Variants in AK4 observed in about 807,000 individuals in gnomAD.
AK4 encodes the protein adenylate kinase 4, mitochondrial.
AK4 carries 13 observed loss-of-function variants against 24.6 expected under a neutral mutation model. The observed-to-expected ratio is 0.53, with a 90% confidence interval of 0.34 to 0.84. The LOEUF is 0.84. Among genes scored for constraint, AK4 ranks in the 40% least tolerant of loss-of-function variants. AK4 has a pLI of 0.01. For missense variants in AK4, 192 were observed against 288.2 expected (o/e 0.67, Z 2.42); for synonymous variants, 88 against 107.0 (o/e 0.82, Z 1.10).
intron 1 of AK4, among the ~76,000 whole-genome samples, chr1:65,155,541 A>G (rs1649949122): frequency 6.6e-6 from 1 of 152,188 alleles, no homozygotes; most frequent in Non-Finnish European, 1.5e-5. Context: ...ATATAAACTG[A>G]TTTTCTGATT....
chr1:65,214,048 A>AGTCTGT (rs1652050099), intron 2 of AK4, among the ~76,000 whole-genome samples: 1 of 152,294 alleles, frequency 6.6e-6, no homozygotes, highest in East Asian at 1.9e-4. Context: ...GGATTGTTTA[A>AGTCTGT]GCCACCCAGT....
chr1:65,201,903 C>G (rs1176143963), intron 2 of AK4, among the ~76,000 whole-genome samples: 1 of 151,992 alleles, frequency 6.6e-6, no homozygotes, highest in East Asian at 1.9e-4. Context: ...GTTGGGTAAC[C>G]CTGGAGCTAA....
chr1:65,148,152 TGGAGGAGGG>T (rs1649627894), upstream of AK4: 1 of 645,744 alleles, frequency 1.5e-6, no homozygotes, highest in Non-Finnish European at 2.3e-6. Context: ...GGCGAGGAGG[TGGAGGAGGG>T]CGAGGAGGTG....
chr1:65,152,354 CTCTCTCTA>C (rs1332760004), intron 1 of AK4, among the ~76,000 whole-genome samples: 397 of 37,952 alleles, frequency 0.01, no homozygotes, highest in African/African-American at 0.019. Flanking sequence ...CTCTCTCTCT[CTCTCTCTA>C]TATATATATA....
chr1:65,188,392 C>CA (rs1475418467), intron 1 of AK4, among the ~76,000 whole-genome samples: 6 of 151,052 alleles, frequency 4.0e-5, no homozygotes, highest in Non-Finnish European at 8.9e-5. Flanking sequence ...GACTCCATAG[C>CA]AAAAAAAATA....
intron 1 of AK4, chr1:65,154,434 A>C: frequency 2.2e-6 from 1 of 454,368 alleles, no homozygotes; most frequent in South Asian, 1.5e-5. Flanking sequence ...GAGCACATGC[A>C]TGGGCTAGCT....
intron 1 of AK4, among the ~76,000 whole-genome samples, chr1:65,149,854 ATTTTGAT>A (rs1210689408): frequency 6.6e-6 from 1 of 152,086 alleles, no homozygotes; most frequent in Non-Finnish European, 1.5e-5. Flanking sequence ...AAGTGCGCCT[ATTTTGAT>A]TTTAATACAT....
intron 1 of AK4, among the ~76,000 whole-genome samples, chr1:65,152,376 ATATATATATTTTTTTTTTTTTTT>A (rs1453144723): frequency 3.3e-4 from 22 of 66,790 alleles, no homozygotes; most frequent in African/African-American, 1.1e-3. Flanking sequence ...ATATATATAT[ATATATATATTTTTTTTTTTTTTT>A]TTTTTTTTTT....
At chr1:65,170,148 G>A (rs895243056) in intron 1 of AK4, among the ~76,000 whole-genome samples, 1 of 152,036 alleles carries the variant, frequency 6.6e-6, no homozygotes, top group South Asian at 2.1e-4. Context: ...AGGCGGAGGC[G>A]GGCGGATCAC....
intron 1 of AK4, among the ~76,000 whole-genome samples, chr1:65,161,097 AT>A (rs906033153): frequency 1.3e-5 from 2 of 151,424 alleles, no homozygotes; most frequent in South Asian, 2.1e-4. Flanking sequence ...TCCCTAAAAC[AT>A]TTTTTTTTAA....
chr1:65,198,305 T>C (rs1372072901), intron 2 of AK4, among the ~76,000 whole-genome samples: 1 of 152,238 alleles, frequency 6.6e-6, no homozygotes, highest in African/African-American at 2.4e-5. Context: ...AAATGTGGAT[T>C]GCACAATTAA....
At chr1:65,160,264 C>T (rs1184196946) in intron 1 of AK4, among the ~76,000 whole-genome samples, 2 of 152,120 alleles carry the variant, frequency 1.3e-5, no homozygotes, top group African/African-American at 4.8e-5. Context: ...ATGTATTTCT[C>T]ACTGTTCTGG....
intron 2 of AK4, among the ~76,000 whole-genome samples, chr1:65,195,728 T>G (rs1651449428): frequency 2.0e-5 from 3 of 152,208 alleles, no homozygotes. Flanking sequence ...AAAAGAGTGC[T>G]TGCCTTATAT....
At chr1:65,195,893 T>A (rs1309645191) in intron 2 of AK4, among the ~76,000 whole-genome samples, 2 of 152,194 alleles carry the variant, frequency 1.3e-5, no homozygotes, top group African/African-American at 4.8e-5. Flanking sequence ...ATGGAATGTT[T>A]TCTCTATCTT....
At chr1:65,187,235 T>C (rs1254312095) in intron 1 of AK4, among the ~76,000 whole-genome samples, 2 of 151,388 alleles carry the variant, frequency 1.3e-5, no homozygotes, top group Non-Finnish European at 2.9e-5. Context: ...TAGTCCCAGC[T>C]ACTCGGAGAG....
intron 2 of AK4, among the ~76,000 whole-genome samples, chr1:65,216,470 T>G (rs920842630): frequency 2.0e-5 from 3 of 152,136 alleles, no homozygotes; most frequent in African/African-American, 7.2e-5. Context: ...CCTCCCTGCC[T>G]CCCGCTTCCC....
At chr1:65,166,686 A>G (rs902012537) in intron 1 of AK4, among the ~76,000 whole-genome samples, 23 of 152,104 alleles carry the variant, frequency 1.5e-4, no homozygotes, top group African/African-American at 5.6e-4. Context: ...CCACACCACC[A>G]ATTTTAAAGT....
chr1:65,219,986 G>A (rs1301175818), intron 3 of AK4, among the ~76,000 whole-genome samples: 1 of 152,098 alleles, frequency 6.6e-6, no homozygotes, highest in Non-Finnish European at 1.5e-5. Flanking sequence ...TCATATCGTT[G>A]GAATCATATA....
chr1:65,170,940 G>GTCTTGTCTTCTTCCTTTTTTTTTTTTT (rs1650495833), intron 1 of AK4, among the ~76,000 whole-genome samples: 1 of 145,436 alleles, frequency 6.9e-6, no homozygotes, highest in Non-Finnish European at 1.5e-5. Flanking sequence ...TTATTGGTTT[G>GTCTTGTCTTCTTCCTTTTTTTTTTTTT]TCTTGTCTTC....
Sources: gnomAD v4.1 joint callset for allele counts (sites outside exome capture counted in the v4.1 genomes callset) on GRCh38, gnomAD v4.1.1 for gene constraint, MANE v1.5 for transcripts, NCBI Gene and HGNC (gene_info 2026-07-23, HGNC 2026-07-21) for gene names.